PTPRD: variants seen among roughly 807,000 people sequenced by gnomAD.
The protein encoded by PTPRD is protein tyrosine phosphatase receptor type D.
Under a neutral mutation model 214.5 loss-of-function variants are expected in PTPRD, and 34 were observed. The ratio of observed to expected loss-of-function variants is 0.16; its 90% CI spans 0.12 to 0.21. The LOEUF is 0.21. Among genes scored for constraint, PTPRD ranks in the 10% least tolerant of loss-of-function variants. The pLI is 1.00. For synonymous variants in PTPRD, 1,128 were observed against 845.7 expected, an observed-to-expected ratio of 1.33 and a Z score of -5.79; for missense variants, 2,545 against 2,398.7, an observed-to-expected ratio of 1.06 and a Z score of -1.27.
intron 10 of PTPRD, among the ~76,000 whole-genome samples, chr9:9,059,133 C>A (rs888259060): frequency 3.3e-5 from 5 of 152,084 alleles, no homozygotes; most frequent in African/African-American, 9.7e-5. Context: ...AAGGAGAGAA[C>A]AGAAAGCATG....
At position 9,117,738 on chromosome 9, in the gene PTPRD, GA is replaced by G. The variant is rs532808589; in HGVS notation, c.-143+65565del. On this transcript the variant is annotated intron_variant, in intron 10 of 45. Coordinates refer to ENST00000381196, the MANE Select transcript of PTPRD (RefSeq NM_002839.4). ...CTTTATTTTAATGTTAATATGCCAAGAAAAAAAATATTTCAGAAGATAAAAC... is the reference window on the plus strand; with the variant it reads ...CTTTATTTTAATGTTAATATGCCAAGAAAAAAATATTTCAGAAGATAAAAC... Among the ~76,000 whole-genome samples, 79 of 151,718 alleles carry G rather than the reference GA, an allele frequency of 5.2e-4. 1 individual carries two copies. The highest frequency in any genetic ancestry group is 3.0e-3 in the Admixed American group (46 of 15,234).
chr9:8,450,592 C>T (rs1008205005), intron 33 of PTPRD, among the ~76,000 whole-genome samples: 1 of 152,112 alleles, frequency 6.6e-6, no homozygotes. Context: ...ATTGACAGTG[C>T]CTTGTTATAA....
At chr9:10,164,604 T>C (rs1040521279) in intron 3 of PTPRD, among the ~76,000 whole-genome samples, 1 of 151,648 alleles carries the variant, frequency 6.6e-6, no homozygotes, top group Non-Finnish European at 1.5e-5. Flanking sequence ...GAAAATTATA[T>C]GTGATTTGCA....
intron 3 of PTPRD, among the ~76,000 whole-genome samples, chr9:10,054,381 G>A (rs1490147571): frequency 6.6e-6 from 1 of 152,108 alleles, no homozygotes; most frequent in Non-Finnish European, 1.5e-5. Context: ...TTAAAGATGG[G>A]ATTGCTAGGA....
chr9:8,799,526 G>C (rs2096528191), intron 11 of PTPRD, among the ~76,000 whole-genome samples: 1 of 152,210 alleles, frequency 6.6e-6, no homozygotes, highest in South Asian at 2.1e-4. Flanking sequence ...GAAGAGGAAG[G>C]AAGTGTTACC....
intron 5 of PTPRD, among the ~76,000 whole-genome samples, chr9:9,789,794 C>G (rs1399281878): frequency 9.9e-5 from 1 of 10,108 alleles, no homozygotes; most frequent in Non-Finnish European, 1.7e-4. Flanking sequence ...CAAACTCTGT[C>G]TCAAAAAAAA....
chr9:8,630,979 A>G (rs2096234610), intron 14 of PTPRD, among the ~76,000 whole-genome samples: 1 of 151,910 alleles, frequency 6.6e-6, no homozygotes, highest in South Asian at 2.1e-4. Flanking sequence ...ATTTTATTGT[A>G]CCTTTTTAAT....
chr9:10,220,561 TAA>T (rs1053471055), intron 3 of PTPRD, among the ~76,000 whole-genome samples: 2 of 151,954 alleles, frequency 1.3e-5, no homozygotes, highest in African/African-American at 4.8e-5. Flanking sequence ...ATTACAAATT[TAA>T]AAAGTTAATT....
intron 2 of PTPRD, among the ~76,000 whole-genome samples, chr9:10,479,705 G>A (rs1367857292): frequency 3.5e-5 from 5 of 141,546 alleles, no homozygotes; most frequent in African/African-American, 1.3e-4. Flanking sequence ...TGCACTGGTA[G>A]TCCCAGCTAC....
intron 3 of PTPRD, among the ~76,000 whole-genome samples, chr9:10,325,954 T>A (rs1234640675): frequency 6.6e-6 from 1 of 151,904 alleles, no homozygotes; most frequent in African/African-American, 2.4e-5. Context: ...AAACAGAAAC[T>A]GCTTTCAGAT....
intron 2 of PTPRD, among the ~76,000 whole-genome samples, chr9:10,438,734 T>G (rs1237050006): frequency 2.0e-5 from 3 of 151,822 alleles, no homozygotes; most frequent in Non-Finnish European, 4.4e-5. Flanking sequence ...AATATAAACT[T>G]TTAAAATCTT....
intron 5 of PTPRD, among the ~76,000 whole-genome samples, chr9:9,784,128 T>A (rs886774695): frequency 6.6e-6 from 1 of 152,140 alleles, no homozygotes. Context: ...AGCAAAGCCA[T>A]ATTTGCTGTT....
At chr9:8,467,218 G>A (rs2096562083) in intron 31 of PTPRD, among the ~76,000 whole-genome samples, 1 of 151,762 alleles carries the variant, frequency 6.6e-6, no homozygotes, top group Non-Finnish European at 1.5e-5. Context: ...GGTAGATTGG[G>A]CATCACTTGT....
intron 11 of PTPRD, among the ~76,000 whole-genome samples, chr9:8,905,410 A>T (rs887158145): frequency 6.6e-6 from 1 of 152,028 alleles, no homozygotes; most frequent in African/African-American, 2.4e-5. Context: ...TGAATGTGCA[A>T]AAAAGATGAG....
chr9:9,334,384 ATTCTAAAAG>A (rs2043585052), intron 9 of PTPRD, among the ~76,000 whole-genome samples: 1 of 152,004 alleles, frequency 6.6e-6, no homozygotes, highest in Non-Finnish European at 1.5e-5. Flanking sequence ...TCAGGTCAGT[ATTCTAAAAG>A]TTCTAGTTTA....
At chr9:10,294,739 TA>T (rs917201822) in intron 3 of PTPRD, among the ~76,000 whole-genome samples, 155 of 152,066 alleles carry the variant, frequency 1.0e-3, no homozygotes, top group African/African-American at 3.6e-3. Flanking sequence ...TATCAGAAAT[TA>T]GGTGGATTGT....
chr9:8,557,515 G>C (rs1028831671), intron 14 of PTPRD, among the ~76,000 whole-genome samples: 4 of 147,220 alleles, frequency 2.7e-5, no homozygotes, highest in African/African-American at 1.0e-4. Context: ...GGCCAATGTG[G>C]GCGGATCACC....
intron 10 of PTPRD, among the ~76,000 whole-genome samples, chr9:9,144,901 T>C (rs2099866163): frequency 1.3e-5 from 2 of 152,330 alleles, no homozygotes; most frequent in African/African-American, 4.8e-5. Flanking sequence ...ATCTTTAAAG[T>C]ATTTATATCA....
intron 11 of PTPRD, among the ~76,000 whole-genome samples, chr9:8,892,176 T>C (rs1365755740): frequency 1.3e-5 from 2 of 152,192 alleles, no homozygotes; most frequent in African/African-American, 2.4e-5. Flanking sequence ...AACTCCTCCA[T>C]CCACGCTGCT....
Sources: gnomAD v4.1 joint callset for allele counts (sites outside exome capture counted in the v4.1 genomes callset) on GRCh38, gnomAD v4.1.1 for gene constraint, MANE v1.5 for transcripts, NCBI Gene and HGNC (gene_info 2026-07-23, HGNC 2026-07-21) for gene names.